PRDM1: variants seen among roughly 807,000 people sequenced by gnomAD.
PRDM1 encodes PR/SET domain 1.
In PRDM1, 13 loss-of-function variants were observed where a neutral mutation model predicts 62.8. The observed-to-expected ratio is 0.21, with a 90% CI of 0.13 to 0.33. The LOEUF (loss-of-function observed/expected upper bound fraction) is 0.33, where lower values mean the gene tolerates loss of function less well. Ranked by LOEUF, PRDM1 falls within the 10% of genes least tolerant of loss-of-function variation. The pLI is 1.00. For synonymous variants in PRDM1, 396 were observed against 417.6 expected (o/e 0.95, Z 0.63); for missense variants, 895 against 1,058.8 (o/e 0.85, Z 2.15).
upstream of PRDM1, among the ~76,000 whole-genome samples, chr6:106,082,854 A>G (rs1376775464): frequency 6.6e-6 from 1 of 152,180 alleles, no homozygotes; most frequent in Admixed American, 6.5e-5. Flanking sequence ...CTATTTTTAA[A>G]TTGATTCAAC....
At chr6:106,031,219 A>G (rs1188962399) in intron 1 of PRDM1, among the ~76,000 whole-genome samples, 2 of 152,212 alleles carry the variant, frequency 1.3e-5, no homozygotes, top group East Asian at 3.8e-4. Context: ...TACATAAGCC[A>G]GAAATAACTT....
chr6:106,081,961 A>C (rs1934594), upstream of PRDM1, among the ~76,000 whole-genome samples: 66 of 152,118 alleles, frequency 4.3e-4, no homozygotes, highest in African/African-American at 1.5e-3. Flanking sequence ...ATTCTTGGCG[A>C]CCTTCCCTTT....
intron 1 of PRDM1, among the ~76,000 whole-genome samples, chr6:106,051,473 A>T (rs1367454590): frequency 6.6e-6 from 1 of 152,220 alleles, no homozygotes; most frequent in African/African-American, 2.4e-5. Context: ...CTATTTTCAC[A>T]TAAAGAAGGC....
intron 1 of PRDM1, among the ~76,000 whole-genome samples, chr6:106,013,859 C>T (rs1772586419): frequency 1.3e-5 from 2 of 152,088 alleles, no homozygotes; most frequent in Admixed American, 6.5e-5. Context: ...TCTTGTTCCC[C>T]TCCCTTTATG....
At chr6:106,001,159 T>C (rs1772419904) in intron 1 of PRDM1, among the ~76,000 whole-genome samples, 1 of 152,252 alleles carries the variant, frequency 6.6e-6, no homozygotes, top group African/African-American at 2.4e-5. Flanking sequence ...TTTTCACTGT[T>C]GGACACCTGG....
Position 105,994,113 on chromosome 6 carries a change from G to A in PRDM1, c.-67+474G>A, listed in dbSNP as rs780112225. 6.6e-6 allele frequency among the ~76,000 whole-genome samples: 1 copy of A among 152,192 alleles called. No homozygotes were observed. Among genetic ancestry groups the A allele is most frequent in the Non-Finnish European group, 1.5e-5 (1 of 68,034 alleles). On this transcript the variant is annotated intron_variant, in intron 1 of 6. Coordinates refer to the PRDM1 transcript ENST00000652320. The surrounding 1 kb of genome is among the most constrained non-coding windows in gnomAD (Gnocchi z 4.1). Reference sequence around the variant, plus strand: ...AGCTGCGCCCAAAGTTTTAAAAAGCGCGGGGACGGTGGAGAGGGAGGCGAA... The same window carrying A: ...AGCTGCGCCCAAAGTTTTAAAAAGCACGGGGACGGTGGAGAGGGAGGCGAA...
At chr6:106,080,808 C>T (rs1463818626) in intron 1 of PRDM1, among the ~76,000 whole-genome samples, 1 of 152,216 alleles carries the variant, frequency 6.6e-6, no homozygotes, top group Admixed American at 6.5e-5. Flanking sequence ...AAGCACCAAA[C>T]CGCTCCTTCC....
chr6:106,092,995 G>A (rs1354367686), intron 2 of PRDM1, among the ~76,000 whole-genome samples: 2 of 152,188 alleles, frequency 1.3e-5, no homozygotes, highest in Non-Finnish European at 2.9e-5. Context: ...CTTTCCTAAT[G>A]ATAAGCTAAT....
intron 1 of PRDM1, among the ~76,000 whole-genome samples, chr6:106,065,844 A>C (rs75854213): frequency 6.6e-6 from 1 of 152,164 alleles, no homozygotes; most frequent in South Asian, 2.1e-4. Context: ...TTGACTTCCA[A>C]AATTCCTTGG....
intron 1 of PRDM1, among the ~76,000 whole-genome samples, chr6:106,013,722 G>A (rs772025815): frequency 1.3e-5 from 2 of 152,162 alleles, no homozygotes; most frequent in Non-Finnish European, 2.9e-5. Flanking sequence ...GGTCCCATAA[G>A]TACCAGTAGA....
rs147316546 is a variant in PRDM1 at position 106,089,183 on chromosome 6, C to T, written c.291+734C>T. On this transcript the variant is annotated intron_variant, in intron 2 of 6. Transcript: ENST00000369096. ...CTTTAATATAAAGATTATAGCTAGG[C>T]GTGATGTTTAGCTGTGAAATAACTT... Among the ~76,000 whole-genome samples, 730 of 152,240 alleles carry T rather than the reference C, an allele frequency of 4.8e-3. 2 individuals carry two copies. Among genetic ancestry groups the T allele is most frequent in the Non-Finnish European group, 7.1e-3 (485 of 68,016 alleles).
chr6:106,042,987 A>T (rs1282426547), intron 1 of PRDM1, among the ~76,000 whole-genome samples: 1 of 152,138 alleles, frequency 6.6e-6, no homozygotes, highest in African/African-American at 2.4e-5. Context: ...AGTAGCTGGG[A>T]TTATAGGCAT....
chr6:106,097,696 T>C (rs189351787), intron 3 of PRDM1, among the ~76,000 whole-genome samples: 4 of 152,334 alleles, frequency 2.6e-5, no homozygotes, highest in Admixed American at 6.5e-5. Flanking sequence ...GGCACCGACA[T>C]TGCTGTTTTT....
At chr6:106,052,652 A>G (rs561219640) in intron 1 of PRDM1, among the ~76,000 whole-genome samples, 1 of 152,122 alleles carries the variant, frequency 6.6e-6, no homozygotes, top group East Asian at 1.9e-4. Flanking sequence ...TCTCAACTAG[A>G]TGAGTAAAAA....
chr6:106,031,111 A>C (rs775297101), intron 1 of PRDM1, among the ~76,000 whole-genome samples: 2 of 151,778 alleles, frequency 1.3e-5, no homozygotes, highest in Admixed American at 6.6e-5. Flanking sequence ...TGGTGCCAAG[A>C]GTTTGGCATT....
At chr6:106,013,132 C>T (rs1772577477) in intron 1 of PRDM1, among the ~76,000 whole-genome samples, 2 of 152,020 alleles carry the variant, frequency 1.3e-5, no homozygotes, top group African/African-American at 4.8e-5. Flanking sequence ...AAGCCAACCT[C>T]CTCAGCCTCC....
rs1156878265 is a variant in PRDM1, at chr6:106,109,787, CCTCTA to C, written c.*2305_*2309del. 4.3e-5 allele frequency: 10 copies of C among 232,834 alleles called. No individual in the cohort carries two copies. Among genetic ancestry groups the C allele is most frequent in the African/African-American group, 2.2e-4 (10 of 45,294 alleles). The allele number at this position is 232,834 out of a possible 1,614,324, so 14.4% of individuals were successfully genotyped here. On this transcript the variant is annotated 3_prime_UTR_variant, in exon 7 of 7. Coordinates refer to ENST00000369096, the MANE Select transcript of PRDM1 (RefSeq NM_001198.4). ...ACAATCAACAGTGGTTTTATTTTTTCCTCTACTCAAAGTTAAAACTGACCAAAGTT... is the reference window on the plus strand; with the variant it reads ...ACAATCAACAGTGGTTTTATTTTTTCCTCAAAGTTAAAACTGACCAAAGTT...
intron 1 of PRDM1, among the ~76,000 whole-genome samples, chr6:106,059,937 A>T (rs947768807): frequency 2.0e-5 from 3 of 152,176 alleles, no homozygotes; most frequent in Non-Finnish European, 4.4e-5. Context: ...GATATGGAGA[A>T]GAGTAGCTTT....
upstream of PRDM1, among the ~76,000 whole-genome samples, chr6:106,047,419 T>C (rs1444250574): frequency 1.3e-5 from 2 of 152,228 alleles, no homozygotes; most frequent in Non-Finnish European, 2.9e-5. Flanking sequence ...GAAATGCCTG[T>C]AGAAAGATGG....
Sources: allele counts gnomAD v4.1 joint callset (sites outside exome capture counted in the v4.1 genomes callset), GRCh38; gene constraint gnomAD v4.1.1; non-coding constraint Gnocchi (gnomAD v3.1); transcripts MANE v1.5; gene names NCBI Gene and HGNC (gene_info 2026-07-23, HGNC 2026-07-21).